CDH13: variants seen among roughly 807,000 people sequenced by gnomAD.
CDH13 encodes the protein cadherin 13, also known as cadherin-13.
CDH13 carries 24 observed loss-of-function variants against 63.8 expected under a neutral mutation model. The ratio of observed to expected loss-of-function variants is 0.38; its 90% CI spans 0.27 to 0.53. The LOEUF (loss-of-function observed/expected upper bound fraction) is 0.53. Among genes scored for constraint, CDH13 ranks in the 20% least tolerant of loss-of-function variants. The pLI, the probability that CDH13 is intolerant of heterozygous loss-of-function variation, is 0.85. For synonymous variants in CDH13, 503 were observed against 355.3 expected (o/e 1.42, Z -4.67); for missense variants, 1,049 against 903.1 (o/e 1.16, Z -2.07).
At chr16:83,397,391 C>G (rs777536514) in intron 6 of CDH13, 5 of 152,150 alleles carry the variant, frequency 3.3e-5, no homozygotes, top group African/African-American at 9.7e-5. Flanking sequence ...CTCAGATGCT[C>G]TAATTTGAGA....
At chr16:82,682,515 C>G (rs542321836) in intron 1 of CDH13, among the ~76,000 whole-genome samples, 12 of 152,292 alleles carry the variant, frequency 7.9e-5, no homozygotes, top group Non-Finnish European at 1.3e-4. Flanking sequence ...TTTACTTTCT[C>G]TTAAACTGAT....
At chr16:83,262,275 G>A (rs1907085457) in intron 5 of CDH13, among the ~76,000 whole-genome samples, 1 of 152,298 alleles carries the variant, frequency 6.6e-6, no homozygotes, top group East Asian at 1.9e-4. Context: ...GGGCCTCCAT[G>A]TCTCTGATTT....
chr16:83,331,929 T>A (rs2090489473), intron 5 of CDH13, among the ~76,000 whole-genome samples: 1 of 152,252 alleles, frequency 6.6e-6, no homozygotes, highest in South Asian at 2.1e-4. Flanking sequence ...GCTACACACA[T>A]ACACACACAA....
At chr16:82,797,895 T>G (rs1340029894) in intron 1 of CDH13, among the ~76,000 whole-genome samples, 5 of 151,832 alleles carry the variant, frequency 3.3e-5, no homozygotes, top group Admixed American at 2.6e-4. Flanking sequence ...CACCACAGCC[T>G]TCTCAGAAGA....
In CDH13 at chr16:82,644,711, C is replaced by A. The variant is rs535765452; in HGVS notation, c.45+17574C>A. Among the ~76,000 whole-genome samples the A allele has an allele frequency of 1.7e-4, 26 of 152,146 alleles. No homozygotes were observed. The highest frequency in any genetic ancestry group is 2.2e-4 in the Non-Finnish European group (15 of 68,024). ...GGCTGGGACCCAGGCTCCCAGGTAG[C>A]CAGCTCCCAGGTGACAGGAGTCCGC... On this transcript the variant is annotated intron_variant, in intron 1 of 13. Transcript: ENST00000567109. This position sits in a 1 kb window ranked among gnomAD's most constrained non-coding sequence, Gnocchi z 5.7.
At chr16:82,981,767 T>C (rs894738854) in intron 2 of CDH13, among the ~76,000 whole-genome samples, 1 of 152,248 alleles carries the variant, frequency 6.6e-6, no homozygotes, top group Non-Finnish European at 1.5e-5. Flanking sequence ...TGCTGCAACA[T>C]TGTGCCTTCC....
intron 1 of CDH13, among the ~76,000 whole-genome samples, chr16:82,784,251 A>G (rs2035898482): frequency 6.6e-6 from 1 of 152,194 alleles, no homozygotes; most frequent in Admixed American, 6.5e-5. Context: ...CTGGTCTTCA[A>G]AGTGACCTTA....
intron 7 of CDH13, among the ~76,000 whole-genome samples, chr16:83,520,026 T>G (rs2074792576): frequency 6.6e-6 from 1 of 152,136 alleles, no homozygotes; most frequent in Non-Finnish European, 1.5e-5. Flanking sequence ...CTGGGTAACT[T>G]CATGATATAA....
intron 6 of CDH13, among the ~76,000 whole-genome samples, chr16:83,413,666 C>T (rs74249525): frequency 0.065 from 9,842 of 152,158 alleles, 395 homozygotes; most frequent in African/African-American, 0.12. Context: ...CTCAAAACAG[C>T]CCTCCCTTAC....
intron 11 of CDH13, among the ~76,000 whole-genome samples, chr16:83,764,798 T>A (rs897801460): frequency 2.6e-5 from 4 of 151,980 alleles, no homozygotes; most frequent in African/African-American, 9.7e-5. Context: ...TACTCTTGCA[T>A]CCTGCCTGCC....
At chr16:83,187,406 C>T (rs897635563) in intron 4 of CDH13, among the ~76,000 whole-genome samples, 2 of 152,144 alleles carry the variant, frequency 1.3e-5, no homozygotes, top group African/African-American at 4.8e-5. Flanking sequence ...ATTTAGGTTT[C>T]ATTTTTCCCG....
intron 2 of CDH13, chr16:82,953,451 A>C (rs1454663377): frequency 3.3e-5 from 5 of 152,162 alleles, no homozygotes; most frequent in Non-Finnish European, 7.4e-5. Context: ...TATTTCAGAA[A>C]ATCTAATATA....
intron 3 of CDH13, among the ~76,000 whole-genome samples, chr16:83,070,909 C>T (rs1258049920): frequency 7.2e-6 from 1 of 139,776 alleles, no homozygotes; most frequent in Admixed American, 7.4e-5. Context: ...ATTTATTGCT[C>T]ATGATATACA....
intron 4 of CDH13, among the ~76,000 whole-genome samples, chr16:83,158,200 C>G (rs548004282): frequency 3.3e-5 from 5 of 152,092 alleles, no homozygotes; most frequent in East Asian, 1.9e-4. Flanking sequence ...GGCAATCCCT[C>G]GCCTTCACCT....
intron 4 of CDH13, among the ~76,000 whole-genome samples, chr16:83,199,734 C>T (rs1209381308): frequency 2.0e-5 from 3 of 152,090 alleles, no homozygotes; most frequent in Non-Finnish European, 4.4e-5. Context: ...GTGCCTGCCA[C>T]GGTACAATGT....
chr16:83,572,400 C>T (rs967178750), intron 7 of CDH13, among the ~76,000 whole-genome samples: 13 of 152,120 alleles, frequency 8.5e-5, no homozygotes, highest in African/African-American at 2.9e-4. Context: ...CTCGGCCTCA[C>T]AAAATGTTGG....
At chr16:83,349,481 G>A (rs1567609363) in intron 6 of CDH13, among the ~76,000 whole-genome samples, 1 of 152,176 alleles carries the variant, frequency 6.6e-6, no homozygotes, top group Admixed American at 6.5e-5. Context: ...AGCAGGCCCT[G>A]AGATGAAGAT....
At chr16:83,501,986 A>C (rs1567717041) in intron 7 of CDH13, among the ~76,000 whole-genome samples, 1 of 152,152 alleles carries the variant, frequency 6.6e-6, no homozygotes, top group Non-Finnish European at 1.5e-5. Context: ...TGTGAATCTG[A>C]GCTCTGCATC....
intron 1 of CDH13, among the ~76,000 whole-genome samples, chr16:82,815,341 A>T (rs2037652568): frequency 6.6e-6 from 1 of 152,134 alleles, no homozygotes; most frequent in South Asian, 2.1e-4. Flanking sequence ...TCTCTGCCTC[A>T]GTTTCCTCAC....
Sources: allele counts gnomAD v4.1 joint callset (sites outside exome capture counted in the v4.1 genomes callset), GRCh38; gene constraint gnomAD v4.1.1; non-coding constraint Gnocchi (gnomAD v3.1); transcripts MANE v1.5; gene names NCBI Gene and HGNC (gene_info 2026-07-23, HGNC 2026-07-21).